Variants in SMOX observed in about 807,000 individuals in gnomAD.
SMOX encodes flavin containing amine oxidase.
In SMOX, 22 loss-of-function variants were observed where a neutral mutation model predicts 51.0. The observed-to-expected ratio is 0.43, with a 90% confidence interval of 0.31 to 0.62. The LOEUF (loss-of-function observed/expected upper bound fraction) is 0.62, where lower values mean the gene tolerates loss of function less well. Ranked by LOEUF, SMOX falls within the 20% of genes least tolerant of loss-of-function variation. The pLI is 0.10. For synonymous variants in SMOX, 282 were observed against 307.8 expected (o/e 0.92, Z 0.88); for missense variants, 566 against 777.7 (o/e 0.73, Z 3.24).
In SMOX at chr20:4,167,382, C is replaced by T. The variant is rs980994410; in HGVS notation, c.-26-7648C>T. ...TCTTTGGGGATCTTCCTCCCTCTCC[C>T]GCCCTCTCCGAGATGACCTTTGCAG... On this transcript the variant is annotated intron_variant, in intron 1 of 6. Transcript: ENST00000305958. The surrounding 1 kb of genome is among the most constrained non-coding windows in gnomAD (Gnocchi z 4.8). Among the ~76,000 whole-genome samples the T allele has an allele frequency of 2.0e-5, 3 of 152,178 alleles. No individual in the cohort carries two copies. The highest frequency in any genetic ancestry group is 2.1e-4 in the South Asian group (1 of 4,830).
At position 4,162,715 on chromosome 20, in the gene SMOX, G is replaced by A. The variant is rs1318545302; in HGVS notation, c.-26-12315G>A. On this transcript the variant is annotated intron_variant, in intron 1 of 6. Coordinates refer to ENST00000305958, the MANE Select transcript of SMOX (RefSeq NM_175839.3). ...ATAGGTCTCTCTAAGGACTTCTGAT[G>A]AGGAGGCTTGGACCCAGCAGAGAGC... Among the ~76,000 whole-genome samples, 4 of 152,190 alleles carry A rather than the reference G, an allele frequency of 2.6e-5. No individual in the cohort carries two copies. In the East Asian group the frequency reaches 5.8e-4, roughly 22 times the overall value.
At chr20:4,160,803 G>C (rs1007789555) in intron 1 of SMOX, among the ~76,000 whole-genome samples, 35 of 152,320 alleles carry the variant, frequency 2.3e-4, no homozygotes, top group African/African-American at 8.4e-4. Flanking sequence ...AGGCTGCCTG[G>C]ATCCAGCACG....
At chr20:4,176,479 C>T (rs1600818222) in intron 2 of SMOX, among the ~76,000 whole-genome samples, 1 of 152,216 alleles carries the variant, frequency 6.6e-6, no homozygotes, top group South Asian at 2.1e-4. Flanking sequence ...ACTATCTTGG[C>T]AAAAAGTGTG....
At chr20:4,184,074 G>A (rs936278232) in intron 6 of SMOX, among the ~76,000 whole-genome samples, 6 of 151,598 alleles carry the variant, frequency 4.0e-5, no homozygotes, top group African/African-American at 1.2e-4. Context: ...TGACCTCCTG[G>A]GCTCAAGTGA....
Position 4,187,181 on chromosome 20 carries a change from G to A in SMOX, c.1531-89G>A. 3 of 1,467,690 alleles carry A rather than the reference G, an allele frequency of 2.0e-6. No homozygotes were observed. The South Asian group carries it at 4.0e-5, about 20-fold the overall frequency. 90.9% of individuals were successfully genotyped at this position (1,467,690 alleles called of 1,614,324 possible). A position where few individuals can be genotyped will look rare whatever the true frequency, so the allele number is the denominator to read the frequency against. ...CAGAGCCTCTCTAATTTGTCATTGG[G>A]ATGGGAGGTTCTGGTGGAGAGGGGT... is the stretch of plus-strand genomic sequence containing the variant. On this transcript the variant is annotated intron_variant, in intron 6 of 6. Transcript: ENST00000305958. The surrounding 1 kb of genome is among the most constrained non-coding windows in gnomAD (Gnocchi z 4.8).
At chr20:4,174,128 C>T (rs1978637658) in intron 1 of SMOX, among the ~76,000 whole-genome samples, 1 of 152,182 alleles carries the variant, frequency 6.6e-6, no homozygotes, top group African/African-American at 2.4e-5. Context: ...ATGCAGGCCT[C>T]GTGGCACTTT....
In SMOX at chr20:4,181,742, C is replaced by A; in HGVS notation, c.436-61C>A. The stretch of plus-strand genomic sequence containing the variant: ...GGAACTGGTGGGTTTGGGTTGGGGG[C>A]CTTCTGTTTGAGATGGAGGTGTGAT... On this transcript the variant is annotated intron_variant, in intron 3 of 6. Transcript: ENST00000305958. This position sits in a 1 kb window ranked among gnomAD's most constrained non-coding sequence, Gnocchi z 5.6. 1.9e-6 allele frequency: 3 copies of A among 1,572,328 alleles called. No homozygotes were observed. Among genetic ancestry groups the A allele is most frequent in the Non-Finnish European group, 2.6e-6 (3 of 1,156,900 alleles).
chr20:4,181,729 T>G lies in SMOX; in HGVS notation c.436-74T>G. 6.5e-7 allele frequency: 1 copy of G among 1,544,002 alleles called. No homozygotes were observed. Among genetic ancestry groups the G allele is most frequent in the South Asian group, 1.2e-5 (1 of 80,448 alleles). On this transcript the variant is annotated intron_variant, in intron 3 of 6. Coordinates refer to ENST00000305958, the MANE Select transcript of SMOX (RefSeq NM_175839.3). The surrounding 1 kb of genome is among the most constrained non-coding windows in gnomAD (Gnocchi z 5.6). Reference sequence around the variant, plus strand: ...CAGGGGACACCTGGGAACTGGTGGGTTTGGGTTGGGGGCCTTCTGTTTGAG... The same window carrying G: ...CAGGGGACACCTGGGAACTGGTGGGGTTGGGTTGGGGGCCTTCTGTTTGAG...
At chr20:4,168,124 TG>T (rs1260484828) in intron 1 of SMOX, among the ~76,000 whole-genome samples, 6 of 13,820 alleles carry the variant, frequency 4.3e-4, no homozygotes, top group African/African-American at 1.6e-3. Flanking sequence ...GGGGTAGGGG[TG>T]GGGGGGTGGG....
intron 1 of SMOX, among the ~76,000 whole-genome samples, chr20:4,159,392 G>A (rs1235138495): frequency 7.9e-5 from 12 of 152,224 alleles, no homozygotes; most frequent in African/African-American, 2.4e-4. Context: ...GATTACAGGT[G>A]TGAGCCACTG....
intron 1 of SMOX, among the ~76,000 whole-genome samples, chr20:4,151,761 T>G (rs561423728): frequency 7.2e-5 from 11 of 152,338 alleles, no homozygotes; most frequent in South Asian, 4.1e-4. Context: ...CTATATTATA[T>G]TTATCACAGT....
chr20:4,175,095 C>T lies in SMOX; in HGVS notation c.40C>T (p.Pro14Ser). The change falls in exon 2 of 7, where the codon CCT becomes TCT. Residue 14 changes from proline (P) to serine (S), a missense_variant. This residue lies in a region of SMOX where 217 missense variants were observed against 278.4 expected (regional missense o/e 0.78). Transcript: ENST00000305958. ...ATCCAGTGGTGACAGTGCGGATGAC[C>T]CTCTCAGTCGCGGCCTACGGAGAAG... Reference protein sequence around the residue: ...CESSGDSADDPLSRGLRRRGQ... With the variant: ...CESSGDSADDSLSRGLRRRGQ... 6.2e-7 allele frequency: 1 copy of T among 1,614,216 alleles called. No individual in the cohort carries two copies. The highest frequency in any genetic ancestry group is 8.5e-7 in the Non-Finnish European group (1 of 1,180,050).
In SMOX at chr20:4,182,812, G is replaced by T. The variant is rs779079367; in HGVS notation, c.1333G>T (p.Ala445Ser). 7.2e-7 allele frequency: 1 copy of T among 1,391,714 alleles called. No homozygotes were observed. The allele number at this position is 1,391,714 out of a possible 1,614,324, so 86.2% of individuals were successfully genotyped here. ...GGAGAAGTGTGATGACGAGGCAGTG[G>T]CCGAGATCTGCACGGAGATGCTGCG... ...VMEKCDDEAV[A>S]EICTEMLRQF... The change falls in exon 5 of 7, where the codon GCC becomes TCC. Residue 445 changes from alanine to serine, a missense_variant. Ala to Ser is a moderately conservative substitution (Grantham distance 99). This residue lies in a region of SMOX where 347 missense variants were observed against 481.8 expected (regional missense o/e 0.72). Coordinates refer to ENST00000305958, the MANE Select transcript of SMOX (RefSeq NM_175839.3). The surrounding 1 kb of genome is among the most constrained non-coding windows in gnomAD (Gnocchi z 8.4).
chr20:4,154,386 C>CTTTCTTT (rs143539233), intron 1 of SMOX, among the ~76,000 whole-genome samples: 1 of 149,956 alleles, frequency 6.7e-6, no homozygotes, highest in African/African-American at 2.5e-5. Context: ...TTCTTTCTTT[C>CTTTCTTT]TTTTTTTGAG....
Position 4,166,467 on chromosome 20 carries a change from C to T in SMOX, c.-26-8563C>T, listed in dbSNP as rs1986576353. Among the ~76,000 whole-genome samples the T allele has an allele frequency of 6.6e-6, 1 of 152,146 alleles. No individual in the cohort carries two copies. The highest frequency in any genetic ancestry group is 1.5e-5 in the Non-Finnish European group (1 of 68,016). On this transcript the variant is annotated intron_variant, in intron 1 of 6. Coordinates refer to ENST00000305958, the MANE Select transcript of SMOX (RefSeq NM_175839.3). This position sits in a 1 kb window ranked among gnomAD's most constrained non-coding sequence, Gnocchi z 4.2. ...GACTGAAGCAATCCTCCTGCCTTGG[C>T]CTCCCAAAGTGCTGGAATTACAGGT...
chr20:4,187,259 C>G lies in SMOX; in HGVS notation c.1531-11C>G. 1.9e-6 allele frequency: 3 copies of G among 1,609,670 alleles called. No homozygotes were observed. The Middle Eastern group carries it at 5.0e-4, about 267-fold the overall frequency. On this transcript the variant is annotated splice_polypyrimidine_tract_variant and intron_variant, in intron 6 of 6. Transcript: ENST00000305958. This position sits in a 1 kb window ranked among gnomAD's most constrained non-coding sequence, Gnocchi z 4.8. ...CTCCTCCACCCTGACCTCCCCATCC[C>G]CGCCCCGCAGCCCATGCAGGTGCTG...
At chr20:4,175,311 G>T in intron 2 of SMOX, 48 bp downstream of exon 2, 1 of 1,575,532 alleles carries the variant, frequency 6.3e-7, no homozygotes, top group South Asian at 1.1e-5. Context: ...GTCACCTTTA[G>T]TCTCCTAATT....
chr20:4,153,360 C>T lies in SMOX; in HGVS notation c.-27+4383C>T, dbSNP rs1985857305. ...TTTTTTCTTTGCTCCCTGGAGGTCA[C>T]ATGCTTGAGTGCCTTCTCCTTGTAG... On this transcript the variant is annotated intron_variant, in intron 1 of 6. Coordinates refer to ENST00000305958, the MANE Select transcript of SMOX (RefSeq NM_175839.3). The surrounding 1 kb of genome is among the most constrained non-coding windows in gnomAD (Gnocchi z 4.4). 6.6e-6 allele frequency among the ~76,000 whole-genome samples: 1 copy of T among 152,086 alleles called. No homozygotes were observed. The highest frequency in any genetic ancestry group is 1.5e-5 in the Non-Finnish European group (1 of 68,016).
At chr20:4,186,753 C>CCA in intron 6 of SMOX, 1 of 780,988 alleles carries the variant, frequency 1.3e-6, no homozygotes, top group East Asian at 2.4e-5. Context: ...CATGGAAGCT[C>CCA]CACAAAGCAG....
Sources: allele counts gnomAD v4.1 joint callset (sites outside exome capture counted in the v4.1 genomes callset), GRCh38; gene constraint gnomAD v4.1.1; regional missense constraint gnomAD v4.1.1; non-coding constraint Gnocchi (gnomAD v3.1); transcripts MANE v1.5; gene names NCBI Gene and HGNC (gene_info 2026-07-23, HGNC 2026-07-21).